ZPLD1: variants seen among roughly 807,000 people sequenced by gnomAD.
The protein encoded by ZPLD1 is zona pellucida like domain containing 1, also known as zona pellucida-like domain-containing protein 1.
A neutral mutation model predicts 47.2 loss-of-function variants in ZPLD1; 34 were observed. That is an observed-to-expected ratio of 0.72 (90% CI 0.55 to 0.96). The LOEUF (loss-of-function observed/expected upper bound fraction) is 0.96, where lower values mean the gene tolerates loss of function less well. ZPLD1 is among the 40% of genes least tolerant of loss of function. The pLI is 0.00. For missense variants in ZPLD1, 512 were observed against 505.8 expected (o/e 1.01, Z -0.12); for synonymous variants, 176 against 186.2 (o/e 0.95, Z 0.45).
chr3:102,391,421 C>T (rs2107284367), intron 6 of ZPLD1, among the ~76,000 whole-genome samples: 1 of 152,142 alleles, frequency 6.6e-6, no homozygotes, highest in Middle Eastern at 3.4e-3. Flanking sequence ...TGTCTGTGTT[C>T]CTTCCTCTTG....
chr3:102,461,759 G>C (rs1350290550), intron 6 of ZPLD1, among the ~76,000 whole-genome samples: 1 of 151,770 alleles, frequency 6.6e-6, no homozygotes, highest in Non-Finnish European at 1.5e-5. Context: ...ACTTTAAAAT[G>C]GTCTTACTTT....
intron 7 of ZPLD1, among the ~76,000 whole-genome samples, chr3:102,415,532 G>A (rs1234427758): frequency 6.6e-6 from 1 of 151,754 alleles, no homozygotes; most frequent in Non-Finnish European, 1.5e-5. Context: ...TGAAGCATAG[G>A]GGTTTAGAGA....
At chr3:102,474,246 A>G (rs540808943) in intron 10 of ZPLD1, among the ~76,000 whole-genome samples, 1 of 152,362 alleles carries the variant, frequency 6.6e-6, no homozygotes, top group Admixed American at 6.5e-5. Flanking sequence ...ATCAAAGAGT[A>G]CAATTCTGGA....
At chr3:102,405,865 C>T (rs998079402) in intron 7 of ZPLD1, among the ~76,000 whole-genome samples, 4 of 151,982 alleles carry the variant, frequency 2.6e-5, no homozygotes, top group South Asian at 2.1e-4. Flanking sequence ...TTGGATCTTT[C>T]GCCCGTTTGG....
chr3:102,437,623 C>T (rs893865717), intron 2 of ZPLD1, among the ~76,000 whole-genome samples: 2 of 152,162 alleles, frequency 1.3e-5, no homozygotes, highest in Non-Finnish European at 2.9e-5. Context: ...GTTAGGTATT[C>T]CTGAAAGATG....
intron 3 of ZPLD1, among the ~76,000 whole-genome samples, chr3:102,439,965 A>G (rs1707150737): frequency 6.6e-6 from 1 of 152,024 alleles, no homozygotes; most frequent in African/African-American, 2.4e-5. Flanking sequence ...CTCTTTGAGC[A>G]GTTTGGTCAT....
intron 8 of ZPLD1, among the ~76,000 whole-genome samples, chr3:102,427,448 A>G (rs1056800711): frequency 1.3e-5 from 2 of 152,142 alleles, no homozygotes; most frequent in Non-Finnish European, 2.9e-5. Flanking sequence ...CACCTCTTCA[A>G]TTGTCATGGA....
intron 6 of ZPLD1, among the ~76,000 whole-genome samples, chr3:102,385,730 G>A (rs572252695): frequency 1.3e-5 from 2 of 152,210 alleles, no homozygotes; most frequent in South Asian, 4.2e-4. Flanking sequence ...GATTTATTTT[G>A]CTGTCTAAAC....
chr3:102,454,643 G>A (rs540066124), intron 4 of ZPLD1, among the ~76,000 whole-genome samples: 1 of 152,298 alleles, frequency 6.6e-6, no homozygotes, highest in East Asian at 1.9e-4. Context: ...ATCACCTGAG[G>A]TCAGGAGTTC....
intron 7 of ZPLD1, among the ~76,000 whole-genome samples, chr3:102,409,015 A>G (rs918670831): frequency 3.3e-5 from 5 of 151,888 alleles, no homozygotes; most frequent in Non-Finnish European, 5.9e-5. Flanking sequence ...TGACAAAAAC[A>G]TACTGTCTTT....
chr3:102,388,107 G>A (rs1306092574), intron 6 of ZPLD1, among the ~76,000 whole-genome samples: 8 of 152,080 alleles, frequency 5.3e-5, no homozygotes, highest in Admixed American at 1.3e-4. Flanking sequence ...TGATCCGCCC[G>A]CCTCGGCCTC....
intron 7 of ZPLD1, among the ~76,000 whole-genome samples, chr3:102,405,028 T>G (rs577708564): frequency 1.4e-4 from 22 of 152,162 alleles, no homozygotes; most frequent in Admixed American, 7.9e-4. Flanking sequence ...TTTGAGCTTG[T>G]AACAGCTGCT....
chr3:102,462,603 G>C (rs573692510), intron 7 of ZPLD1, among the ~76,000 whole-genome samples: 1 of 151,994 alleles, frequency 6.6e-6, no homozygotes, highest in African/African-American at 2.4e-5. Context: ...ATAAAGAAGG[G>C]GGGTGGTTCT....
chr3:102,456,301 C>T lies in ZPLD1; in HGVS notation c.436C>T (p.Leu146=). ...AGACCCACCAACAATCATCAGCTATCTACCTGGGCTTCTTTACAAATTTAG... is the reference window on the plus strand; with the variant it reads ...AGACCCACCAACAATCATCAGCTATTTACCTGGGCTTCTTTACAAATTTAG... The part of the protein sequence containing the change: ...TPDPPTIISY[L]PGLLYKFSCS... Residue 146 remains leucine, a synonymous_variant, in exon 5 of 12, where the codon CTA becomes TTA. Transcript: ENST00000466937. 1.2e-6 allele frequency: 2 copies of T among 1,613,876 alleles called. No homozygotes were observed. Among genetic ancestry groups the T allele is most frequent in the Non-Finnish European group, 1.7e-6 (2 of 1,179,868 alleles).
intron 3 of ZPLD1, among the ~76,000 whole-genome samples, chr3:102,446,229 A>T (rs772327705): frequency 1.3e-5 from 2 of 152,250 alleles, no homozygotes; most frequent in Non-Finnish European, 2.9e-5. Flanking sequence ...ACTCTCCGAT[A>T]TAATGTAAGT....
chr3:102,409,853 C>T (rs557879834), intron 7 of ZPLD1, among the ~76,000 whole-genome samples: 1 of 151,904 alleles, frequency 6.6e-6, no homozygotes, highest in African/African-American at 2.4e-5. Flanking sequence ...CTTGCAGGAT[C>T]ACATGGTTCA....
In ZPLD1 at chr3:102,406,981, G is replaced by A. The variant is rs1706695043; in HGVS notation, c.-156-11079G>A. On this transcript the variant is annotated intron_variant, in intron 7 of 17. Transcript: ENST00000491959. ...TGAAAGTTATCATTTTTGAAGTTGTGATTACATATCCAAGTGGATGATGCT... is the reference window on the plus strand; with the variant it reads ...TGAAAGTTATCATTTTTGAAGTTGTAATTACATATCCAAGTGGATGATGCT... 2.0e-5 allele frequency among the ~76,000 whole-genome samples: 3 copies of A among 151,790 alleles called. No individual in the cohort carries two copies. In the South Asian group the frequency reaches 6.2e-4, roughly 31 times the overall value.
Position 102,453,036 on chromosome 3 carries a change from G to T in ZPLD1, c.224G>T (p.Gly75Val), listed in dbSNP as rs1043791817. 4.3e-6 allele frequency: 7 copies of T among 1,614,086 alleles called. No homozygotes were observed. The highest frequency in any genetic ancestry group is 5.9e-6 in the Non-Finnish European group (7 of 1,179,982). ...ETDLALNGRH[G>V]DSHCRGFINN... is the part of the protein sequence containing the mutation. ...GATCTGGCACTGAATGGAAGGCATG[G>T]GGACTCCCACTGCAGAGGGTTCATC... is the stretch of plus-strand genomic sequence containing the variant. Residue 75 changes from glycine (G) to valine (V), a missense_variant, in exon 4 of 12, where the codon GGG becomes GTG. By Grantham distance (109) the Gly-to-Val change is moderately radical (BLOSUM62 -3). Transcript: ENST00000466937.
chr3:102,434,158 A>G (rs1009920758), upstream of ZPLD1, among the ~76,000 whole-genome samples: 3 of 152,232 alleles, frequency 2.0e-5, no homozygotes, highest in African/African-American at 7.2e-5. Context: ...ATGAGTAAAA[A>G]TTAAATCTAT....
Sources: gnomAD v4.1 joint callset for allele counts (sites outside exome capture counted in the v4.1 genomes callset) on GRCh38, gnomAD v4.1.1 for gene constraint, MANE v1.5 for transcripts, NCBI Gene and HGNC (gene_info 2026-07-23, HGNC 2026-07-21) for gene names.